Variants in OPCML observed in about 807,000 individuals in gnomAD.
The protein encoded by OPCML is opioid binding protein/cell adhesion molecule like.
In OPCML, 13 loss-of-function variants were observed where a neutral mutation model predicts 37.8. The ratio of observed to expected loss-of-function variants is 0.34; its 90% confidence interval spans 0.22 to 0.55. The LOEUF (loss-of-function observed/expected upper bound fraction) is 0.55, where lower values mean the gene tolerates loss of function less well. Ranked by LOEUF, OPCML falls within the 20% of genes least tolerant of loss-of-function variation. OPCML has a pLI of 0.91. For missense variants in OPCML, 341 were observed against 435.6 expected, an observed-to-expected ratio of 0.78 and a Z score of 1.93; for synonymous variants, 176 against 168.8, an observed-to-expected ratio of 1.04 and a Z score of -0.33.
intron 7 of OPCML, among the ~76,000 whole-genome samples, chr11:132,433,027 G>C (rs573649081): frequency 8.5e-5 from 13 of 152,302 alleles, no homozygotes; most frequent in African/African-American, 3.1e-4. Flanking sequence ...GGTCAGGAAA[G>C]TCTTCCTTCA....
At chr11:133,410,712 A>G (rs1945634096) in intron 1 of OPCML, among the ~76,000 whole-genome samples, 1 of 142,686 alleles carries the variant, frequency 7.0e-6, no homozygotes, top group South Asian at 2.5e-4. Context: ...CGTTGCTGGG[A>G]GACAAAGCAA....
intron 1 of OPCML, among the ~76,000 whole-genome samples, chr11:133,519,144 C>T (rs1203024367): frequency 6.6e-6 from 1 of 152,116 alleles, no homozygotes; most frequent in Non-Finnish European, 1.5e-5. Context: ...GCTGGGTGGT[C>T]TGGGCTTCAC....
chr11:133,290,773 G>A (rs117909099), intron 1 of OPCML, among the ~76,000 whole-genome samples: 1,601 of 152,346 alleles, frequency 0.011, 11 homozygotes, highest in Non-Finnish European at 0.016. Flanking sequence ...TTTCAGAAGA[G>A]CTTCCATTTC....
At chr11:133,150,694 C>T (rs1949967457) in intron 1 of OPCML, among the ~76,000 whole-genome samples, 1 of 152,264 alleles carries the variant, frequency 6.6e-6, no homozygotes, top group African/African-American at 2.4e-5. Context: ...GCCCTGGCAT[C>T]TTACAAAATC....
chr11:132,827,424 A>G (rs1178621913), intron 2 of OPCML, among the ~76,000 whole-genome samples: 1 of 152,214 alleles, frequency 6.6e-6, no homozygotes, highest in Non-Finnish European at 1.5e-5. Flanking sequence ...TCTGGCAAAG[A>G]TATGGAACAA....
chr11:133,183,677 T>C (rs2136289521), intron 1 of OPCML, among the ~76,000 whole-genome samples: 1 of 152,288 alleles, frequency 6.6e-6, no homozygotes, highest in Non-Finnish European at 1.5e-5. Context: ...ATACAAAGGA[T>C]TACAAGGTTG....
chr11:132,899,122 C>T (rs1168415594), intron 2 of OPCML, among the ~76,000 whole-genome samples: 1 of 152,130 alleles, frequency 6.6e-6, no homozygotes, highest in Non-Finnish European at 1.5e-5. Flanking sequence ...GTCACCCCAC[C>T]AGGTAATGAA....
chr11:133,453,062 T>C (rs1946610484), intron 1 of OPCML, among the ~76,000 whole-genome samples: 1 of 152,206 alleles, frequency 6.6e-6, no homozygotes, highest in African/African-American at 2.4e-5. Context: ...CAGAGACACA[T>C]CGAACTGGAT....
chr11:132,444,829 A>T (rs950950001), intron 4 of OPCML, among the ~76,000 whole-genome samples: 2 of 152,216 alleles, frequency 1.3e-5, no homozygotes, highest in Non-Finnish European at 2.9e-5. Context: ...GAATGTGGAC[A>T]GCAGTACATT....
At chr11:132,877,772 A>G (rs1357785204) in intron 2 of OPCML, among the ~76,000 whole-genome samples, 2 of 152,184 alleles carry the variant, frequency 1.3e-5, no homozygotes, top group African/African-American at 2.4e-5. Flanking sequence ...GTCATGCAAA[A>G]CAGCTTTTCC....
rs184695449 is a variant in OPCML at position 132,681,644 on chromosome 11, G to C, written c.147-24325C>G. Among the ~76,000 whole-genome samples, 13 of 152,198 alleles carry C rather than the reference G, an allele frequency of 8.5e-5. 1 individual carries two copies. The East Asian group carries it at 2.5e-3, about 30-fold the overall frequency. ...CCTCCGGGATGCCGGACAAGAACTC[G>C]GGTGTGGGTGCAAAAGATCACACTG... On this transcript the variant is annotated intron_variant, in intron 2 of 7. Coordinates refer to ENST00000524381, the MANE Select transcript of OPCML (RefSeq NM_001012393.5).
chr11:132,825,350 G>T (rs1940242265), intron 2 of OPCML, among the ~76,000 whole-genome samples: 1 of 152,112 alleles, frequency 6.6e-6, no homozygotes, highest in Admixed American at 6.5e-5. Context: ...AACTATGCCT[G>T]CCCTGATATT....
chr11:133,140,927 AC>A (rs1360577328), intron 1 of OPCML, among the ~76,000 whole-genome samples: 462 of 20,308 alleles, frequency 0.023, 135 homozygotes, highest in East Asian at 0.19. Flanking sequence ...GAAGACGACG[AC>A]GACGAAGAAG....
intron 1 of OPCML, among the ~76,000 whole-genome samples, chr11:133,035,230 C>T (rs1166955883): frequency 2.0e-5 from 3 of 152,176 alleles, no homozygotes; most frequent in African/African-American, 7.2e-5. Flanking sequence ...TCTGTCATGT[C>T]GCCGAGGGCA....
intron 1 of OPCML, among the ~76,000 whole-genome samples, chr11:133,018,489 C>G (rs1947380822): frequency 6.6e-6 from 1 of 152,176 alleles, no homozygotes; most frequent in African/African-American, 2.4e-5. Context: ...CTACCAGCCT[C>G]CTCTCCAAAA....
At chr11:133,515,605 G>A (rs1027480442) in intron 1 of OPCML, among the ~76,000 whole-genome samples, 1 of 152,116 alleles carries the variant, frequency 6.6e-6, no homozygotes, top group Non-Finnish European at 1.5e-5. Flanking sequence ...CCAGCTTTAT[G>A]AGCCAAACAG....
chr11:132,598,707 A>C (rs2137757762), intron 3 of OPCML, among the ~76,000 whole-genome samples: 1 of 152,304 alleles, frequency 6.6e-6, no homozygotes, highest in South Asian at 2.1e-4. Context: ...CTCTGAATTT[A>C]ATACAAATCA....
chr11:132,674,308 A>G (rs1591708399), intron 2 of OPCML, among the ~76,000 whole-genome samples: 1 of 152,300 alleles, frequency 6.6e-6, no homozygotes, highest in Middle Eastern at 3.4e-3. Flanking sequence ...GCATCCAGGG[A>G]AAGGAAATCC....
intron 1 of OPCML, among the ~76,000 whole-genome samples, chr11:133,406,471 G>C (rs1945529582): frequency 6.6e-6 from 1 of 152,116 alleles, no homozygotes; most frequent in Non-Finnish European, 1.5e-5. Flanking sequence ...CCACAGCTAG[G>C]GCTGACCCAG....
Sources: allele counts gnomAD v4.1 joint callset (sites outside exome capture counted in the v4.1 genomes callset), GRCh38; gene constraint gnomAD v4.1.1; transcripts MANE v1.5; gene names NCBI Gene and HGNC (gene_info 2026-07-23, HGNC 2026-07-21).